RUBCNL: variants seen among roughly 807,000 people sequenced by gnomAD.
RUBCNL encodes rubicon like autophagy enhancer, also known as protein associated with UVRAG as autophagy enhancer.
Under a neutral mutation model 69.5 loss-of-function variants are expected in RUBCNL, and 62 were observed. The ratio of observed to expected loss-of-function variants is 0.89; its 90% CI spans 0.73 to 1.10. The LOEUF is 1.10. Among genes scored for constraint, RUBCNL ranks in the 50% least tolerant of loss-of-function variants. RUBCNL has a pLI of 0.00. For missense variants in RUBCNL, 768 were observed against 798.1 expected (o/e 0.96, Z 0.45); for synonymous variants, 291 against 303.6 (o/e 0.96, Z 0.43).
chr13:46,368,306 A>G, intron 4 of RUBCNL, 57 bp from the exon 5 acceptor site: 2 of 1,527,478 alleles, frequency 1.3e-6, no homozygotes, highest in Non-Finnish European at 1.8e-6. Context: ...CATGGAGGGT[A>G]TATTAGATTT....
chr13:46,347,906 T>C (rs1030800896), intron 12 of RUBCNL, among the ~76,000 whole-genome samples: 1 of 152,166 alleles, frequency 6.6e-6, no homozygotes, highest in East Asian at 1.9e-4. Flanking sequence ...GGCAGGAGAC[T>C]GGCGTGAACC....
At chr13:46,365,401 C>A (rs1326611255) in intron 5 of RUBCNL, among the ~76,000 whole-genome samples, 1 of 151,948 alleles carries the variant, frequency 6.6e-6, no homozygotes, top group East Asian at 1.9e-4. Context: ...ATTGCATGGG[C>A]CTTGAGAAGT....
At position 46,336,486 on chromosome 13, in the gene RUBCNL, C is replaced by A. The variant is rs912097165; in HGVS notation, c.*6899G>T. Among the ~76,000 whole-genome samples, 75 of 152,062 alleles carry A rather than the reference C, an allele frequency of 4.9e-4. 1 individual carries two copies. Among genetic ancestry groups the A allele is most frequent in the Admixed American group, 8.5e-4 (13 of 15,278 alleles). ...ACAAAGAAAATTTTTGAAAATTATT[C>A]TAATCCCACTATACAGAGATAATCA... On this transcript the variant is annotated 3_prime_UTR_variant, in exon 15 of 15. Transcript: ENST00000429979.
intron 9 of RUBCNL, among the ~76,000 whole-genome samples, chr13:46,358,617 A>G (rs530567167): frequency 6.6e-6 from 1 of 152,276 alleles, no homozygotes; most frequent in Admixed American, 6.5e-5. Context: ...GCACTGGTGC[A>G]ATCTCAGCTC....
chr13:46,372,925 A>C (rs1212270064), intron 2 of RUBCNL, among the ~76,000 whole-genome samples: 1 of 152,180 alleles, frequency 6.6e-6, no homozygotes, highest in Non-Finnish European at 1.5e-5. Context: ...GTCAAATCCA[A>C]GACAGGAATA....
At chr13:46,369,817 C>T (rs2048838757) in intron 3 of RUBCNL, among the ~76,000 whole-genome samples, 1 of 152,238 alleles carries the variant, frequency 6.6e-6, no homozygotes, top group Non-Finnish European at 1.5e-5. Context: ...CAGCTCTCAG[C>T]ATGATGGAGT....
chr13:46,349,485 T>A, intron 11 of RUBCNL, 138 bp from the exon 12 acceptor site: 1 of 770,286 alleles, frequency 1.3e-6, no homozygotes, highest in South Asian at 1.6e-5. Flanking sequence ...AAACCGCCTA[T>A]ACAGCAAGCC....
chr13:46,352,142 CTAAAA>C (rs1181891376), intron 10 of RUBCNL, among the ~76,000 whole-genome samples: 3 of 152,126 alleles, frequency 2.0e-5, no homozygotes, highest in African/African-American at 7.2e-5. Flanking sequence ...TTCTAACCTA[CTAAAA>C]TAAACACTCA....
intron 10 of RUBCNL, among the ~76,000 whole-genome samples, chr13:46,353,707 T>C (rs2048420846): frequency 6.6e-6 from 1 of 152,174 alleles, no homozygotes; most frequent in East Asian, 1.9e-4. Context: ...TTGTCCTCAT[T>C]TTATGAAAAG....
At chr13:46,363,251 A>G in intron 5 of RUBCNL, 38 bp from the exon 6 acceptor site, 1 of 1,206,378 alleles carries the variant, frequency 8.3e-7, no homozygotes, top group Non-Finnish European at 1.1e-6. Context: ...ACCAATAAGA[A>G]GAAAAAGAAA....
chr13:46,382,137 T>C (rs1046214210), intron 1 of RUBCNL, among the ~76,000 whole-genome samples: 5 of 152,116 alleles, frequency 3.3e-5, no homozygotes, highest in African/African-American at 1.2e-4. Flanking sequence ...GCATTTGGCA[T>C]GTAAATTCTA....
At chr13:46,381,497 G>A (rs577257103) in intron 1 of RUBCNL, among the ~76,000 whole-genome samples, 2 of 152,184 alleles carry the variant, frequency 1.3e-5, no homozygotes, top group Non-Finnish European at 2.9e-5. Context: ...TTGAGGTGAT[G>A]AAAATGTTAT....
At position 46,371,988 on chromosome 13, in the gene RUBCNL, T is replaced by G. The variant is rs775658008; in HGVS notation, c.488A>C (p.Asp163Ala). ...ATGGGAAGGCTCAAAAAAAGCACTG[T>G]CAGTCTCAGGATATGGGGAGGTGGC... ...ILATSPYPETDSAFFEPSHLT... is the reference protein window; with the variant it reads ...ILATSPYPETASAFFEPSHLT... Residue 163 changes from aspartate (D) to alanine (A), a missense_variant, in exon 3 of 15, where the codon GAC becomes GCC. Physicochemically the swap from Asp to Ala is moderately radical, Grantham distance 126. Coordinates refer to ENST00000429979, the MANE Select transcript of RUBCNL (RefSeq NM_025113.5). The G allele has an allele frequency of 6.8e-6, 11 of 1,613,954 alleles. No individual in the cohort carries two copies. The highest frequency in any genetic ancestry group is 9.3e-6 in the Non-Finnish European group (11 of 1,179,882).
intron 6 of RUBCNL, 106 bp from the exon 7 acceptor site, chr13:46,362,704 G>T: frequency 4.1e-6 from 3 of 732,340 alleles, no homozygotes; most frequent in Non-Finnish European, 4.7e-6. Context: ...CTCAGAAAGA[G>T]CAAATTATTC....
rs1005471540 is a variant in RUBCNL at position 46,338,879 on chromosome 13, T to C, written c.*4506A>G. On this transcript the variant is annotated 3_prime_UTR_variant, in exon 15 of 15. Coordinates refer to ENST00000429979, the MANE Select transcript of RUBCNL (RefSeq NM_025113.5). ...GGCCAACATGGCGAAACCCCGTCTC[T>C]ACCAAAAACAGAAAAAAATTAGCTG... Among the ~76,000 whole-genome samples, 1 of 151,920 alleles carries C rather than the reference T, an allele frequency of 6.6e-6. No homozygotes were observed. Among genetic ancestry groups the C allele is most frequent in the Non-Finnish European group, 1.5e-5 (1 of 67,980 alleles).
chr13:46,388,586 T>G (rs1257934429), upstream of RUBCNL, among the ~76,000 whole-genome samples: 2 of 152,136 alleles, frequency 1.3e-5, no homozygotes, highest in Non-Finnish European at 2.9e-5. Flanking sequence ...GGAAGGAAGC[T>G]AAGCTCTCTC....
chr13:46,377,091 T>C (rs922489563), intron 2 of RUBCNL, among the ~76,000 whole-genome samples: 2 of 152,216 alleles, frequency 1.3e-5, no homozygotes, highest in Admixed American at 6.5e-5. Context: ...TAGTTCATGA[T>C]AGCCTCATTA....
Position 46,356,449 on chromosome 13 carries a change from C to T in RUBCNL, c.1313G>A (p.Gly438Glu). The change falls in exon 10 of 15, where the codon GGA becomes GAA. Residue 438 changes from glycine to glutamate, a missense_variant. Coordinates refer to ENST00000429979, the MANE Select transcript of RUBCNL (RefSeq NM_025113.5). ...GTACTTACTAGGCTCTACTGGAGTT[C>T]CACAGCCGGCACAGAAAAAATTCTG... Reference protein sequence around the residue: ...AAQNFFCAGCGTPVEPKFVKR... With the variant: ...AAQNFFCAGCETPVEPKFVKR... 1 of 1,613,936 alleles carries T rather than the reference C, an allele frequency of 6.2e-7. No homozygotes were observed. Among genetic ancestry groups the T allele is most frequent in the South Asian group, 1.1e-5 (1 of 91,068 alleles).
Position 46,345,568 on chromosome 13 carries a change from T to C in RUBCNL, c.1664A>G (p.His555Arg). The C allele has an allele frequency of 1.2e-6, 2 of 1,613,692 alleles. No homozygotes were observed. ...GAACAGGTGGAGCTCATCAGTCAAG[T>C]GTCCCGGCACCTGCTCGAACTCCTT... The part of the protein sequence containing the change: ...ALKEFEQVPG[H>R]LTDELHLFSL... The change falls in exon 13 of 15, where the codon CAC (histidine) becomes CGC (arginine). Residue 555 changes from histidine (H) to arginine (R), a missense_variant. Physicochemically the swap from His to Arg is conservative, Grantham distance 29 (BLOSUM62 0). Coordinates refer to ENST00000429979, the MANE Select transcript of RUBCNL (RefSeq NM_025113.5).
Sources: allele counts gnomAD v4.1 joint callset (sites outside exome capture counted in the v4.1 genomes callset), GRCh38; gene constraint gnomAD v4.1.1; transcripts MANE v1.5; gene names NCBI Gene and HGNC (gene_info 2026-07-23, HGNC 2026-07-21).